Variants in ACVR1C observed in about 807,000 individuals in gnomAD.
ACVR1C encodes activin A receptor type 1C.
A neutral mutation model predicts 57.9 loss-of-function variants in ACVR1C; 23 were observed. The ratio of observed to expected loss-of-function variants is 0.40; its 90% CI spans 0.29 to 0.56. The LOEUF is 0.56. Among genes scored for constraint, ACVR1C ranks in the 20% least tolerant of loss-of-function variants. ACVR1C has a pLI of 0.50. For missense variants in ACVR1C, 480 were observed against 607.9 expected (o/e 0.79, Z 2.21); for synonymous variants, 214 against 215.3 (o/e 0.99, Z 0.05).
chr2:157,618,070 T>C (rs1682693124), intron 1 of ACVR1C, among the ~76,000 whole-genome samples: 1 of 151,856 alleles, frequency 6.6e-6, no homozygotes, highest in African/African-American at 2.4e-5. Flanking sequence ...GTACTAAAAG[T>C]GATAAACAGG....
intron 2 of ACVR1C, among the ~76,000 whole-genome samples, chr2:157,576,523 C>T (rs1423227858): frequency 1.3e-5 from 2 of 151,952 alleles, no homozygotes; most frequent in East Asian, 3.9e-4. Context: ...CATTTCTTTG[C>T]CTTAAAAAAA....
intron 1 of ACVR1C, among the ~76,000 whole-genome samples, chr2:157,613,794 A>G (rs1182227070): frequency 1.3e-5 from 2 of 152,162 alleles, no homozygotes; most frequent in South Asian, 2.1e-4. Flanking sequence ...TTGCATCTCT[A>G]TGAGAGATAC....
chr2:157,602,144 G>T (rs1030947602), intron 1 of ACVR1C, among the ~76,000 whole-genome samples: 1 of 152,168 alleles, frequency 6.6e-6, no homozygotes, highest in African/African-American at 2.4e-5. Flanking sequence ...AAAAAAAATT[G>T]ACATCTGTAC....
intron 2 of ACVR1C, among the ~76,000 whole-genome samples, chr2:157,582,791 T>A (rs1688821671): frequency 6.6e-6 from 1 of 152,262 alleles, no homozygotes; most frequent in Non-Finnish European, 1.5e-5. Context: ...TACATTGGTC[T>A]ATATTCATTG....
At chr2:157,554,886 C>A (rs533631809) in intron 3 of ACVR1C, among the ~76,000 whole-genome samples, 60 of 151,964 alleles carry the variant, frequency 3.9e-4, no homozygotes, top group Admixed American at 3.7e-3. Context: ...TTTTCATAAA[C>A]CATGAGCTGG....
At position 157,602,906 on chromosome 2, in the gene ACVR1C, A is replaced by G. The variant is rs1159111159; in HGVS notation, c.74-15489T>C. On this transcript the variant is annotated intron_variant, in intron 1 of 8. Transcript: ENST00000243349. ...ATTAATATGCTGTAATCAGGGATGA[A>G]TATTAATTTGTTAAAGTCATTTCTT... Among the ~76,000 whole-genome samples, 3 of 152,178 alleles carry G rather than the reference A, an allele frequency of 2.0e-5. No individual in the cohort carries two copies. The East Asian group carries it at 5.8e-4, about 29-fold the overall frequency.
At position 157,533,675 on chromosome 2, in the gene ACVR1C, T is replaced by TA; in HGVS notation, c.*242dup. On this transcript the variant is annotated 3_prime_UTR_variant, in exon 9 of 9. Coordinates refer to ENST00000243349, the MANE Select transcript of ACVR1C (RefSeq NM_145259.3). ...TGTAATATATTTCTTCCTTATTAAA[T>TA]AAAAAGATGAGTTGAGGTGTTGCTT... The TA allele has an allele frequency of 4.0e-6, 1 of 248,670 alleles. No individual in the cohort carries two copies. 15.4% of individuals were successfully genotyped at this position (248,670 alleles called of 1,614,324 possible).
intron 1 of ACVR1C, among the ~76,000 whole-genome samples, chr2:157,601,915 GA>G (rs948212497): frequency 6.6e-6 from 1 of 151,706 alleles, no homozygotes; most frequent in Middle Eastern, 3.2e-3. Flanking sequence ...AAAAGAAAAA[GA>G]AAAAAAAGAA....
intron 2 of ACVR1C, among the ~76,000 whole-genome samples, chr2:157,574,692 T>G (rs1269986345): frequency 6.6e-6 from 1 of 152,172 alleles, no homozygotes; most frequent in Non-Finnish European, 1.5e-5. Context: ...TTTACGTTAA[T>G]TAGAATTGGG....
intron 2 of ACVR1C, among the ~76,000 whole-genome samples, chr2:157,565,749 T>C (rs1688353981): frequency 1.3e-5 from 2 of 152,182 alleles, no homozygotes; most frequent in African/African-American, 4.8e-5. Flanking sequence ...CCAGGTTTCA[T>C]AATTTTATAG....
chr2:157,591,493 G>T (rs1225904428), intron 1 of ACVR1C, among the ~76,000 whole-genome samples: 1 of 151,982 alleles, frequency 6.6e-6, no homozygotes, highest in Non-Finnish European at 1.5e-5. Context: ...ACACCTTATG[G>T]AAATCTACAA....
chr2:157,541,601 GA>G (rs1286514194), intron 6 of ACVR1C, among the ~76,000 whole-genome samples: 1 of 152,206 alleles, frequency 6.6e-6, no homozygotes, highest in Non-Finnish European at 1.5e-5. Flanking sequence ...TCCCCTGAAG[GA>G]ATCCAGCATC....
chr2:157,596,241 T>C (rs373565390), intron 1 of ACVR1C, among the ~76,000 whole-genome samples: 6 of 152,074 alleles, frequency 3.9e-5, no homozygotes, highest in Non-Finnish European at 8.8e-5. Context: ...GAAATAGATA[T>C]AGAAATCCTT....
chr2:157,614,428 A>G (rs1216735413), intron 1 of ACVR1C, among the ~76,000 whole-genome samples: 1 of 152,152 alleles, frequency 6.6e-6, no homozygotes, highest in African/African-American at 2.4e-5. Context: ...AATATGGTCT[A>G]TCTTGGCTAA....
At chr2:157,582,337 A>G (rs139091333) in intron 2 of ACVR1C, among the ~76,000 whole-genome samples, 2 of 152,222 alleles carry the variant, frequency 1.3e-5, no homozygotes, top group East Asian at 1.9e-4. Flanking sequence ...GTTCAATTAA[A>G]TGTTCCGTAG....
At chr2:157,608,077 G>A (rs929018921) in intron 1 of ACVR1C, among the ~76,000 whole-genome samples, 4 of 151,696 alleles carry the variant, frequency 2.6e-5, no homozygotes, top group Non-Finnish European at 5.9e-5. Flanking sequence ...TTAGAGGAAA[G>A]GCTTTCAATT....
chr2:157,618,457 T>C (rs1457775427), intron 1 of ACVR1C, among the ~76,000 whole-genome samples: 1 of 151,710 alleles, frequency 6.6e-6, no homozygotes. Flanking sequence ...GTAAATATAT[T>C]AAATGTGTAT....
At chr2:157,566,500 G>C (rs1688384727) in intron 2 of ACVR1C, among the ~76,000 whole-genome samples, 1 of 152,210 alleles carries the variant, frequency 6.6e-6, no homozygotes, top group South Asian at 2.1e-4. Context: ...GCCAGTGTGT[G>C]TGCCCACCGT....
In ACVR1C at chr2:157,628,759, C is replaced by T; in HGVS notation, c.-115G>A. The T allele has an allele frequency of 1.0e-6, 1 of 965,986 alleles. No individual in the cohort carries two copies. 59.8% of individuals were successfully genotyped at this position (965,986 alleles called of 1,614,324 possible). A position where few individuals can be genotyped will look rare whatever the true frequency, so the allele number is the denominator to read the frequency against. Reference sequence around the variant, plus strand: ...GCGGGAGGGGAGCGCGGCACCGACACCCTTTTGAAGTGCGCGGTTGGCTCT... The same window carrying T: ...GCGGGAGGGGAGCGCGGCACCGACATCCTTTTGAAGTGCGCGGTTGGCTCT... On this transcript the variant is annotated 5_prime_UTR_variant, in exon 1 of 9. In the 5' UTR this introduces an upstream ATG that the reference lacks. Transcript: ENST00000243349.
Sources: allele counts gnomAD v4.1 joint callset (sites outside exome capture counted in the v4.1 genomes callset), GRCh38; gene constraint gnomAD v4.1.1; transcripts MANE v1.5; gene names NCBI Gene and HGNC (gene_info 2026-07-23, HGNC 2026-07-21).